Variants in GPR158 observed in about 807,000 individuals in gnomAD.
GPR158 encodes metabotropic glycine receptor.
GPR158 carries 30 observed loss-of-function variants against 78.2 expected under a neutral mutation model. That is an observed-to-expected ratio of 0.38 (90% confidence interval 0.29 to 0.52). GPR158 has a LOEUF of 0.52. Ranked by LOEUF, GPR158 falls within the 20% of genes least tolerant of loss-of-function variation. The pLI is 0.83. For missense variants in GPR158, 1,463 were observed against 1,523.5 expected, an observed-to-expected ratio of 0.96 and a Z score of 0.66; for synonymous variants, 581 against 591.1, an observed-to-expected ratio of 0.98 and a Z score of 0.25.
At chr10:25,526,882 A>T (rs1453545050) in intron 5 of GPR158, among the ~76,000 whole-genome samples, 2 of 152,204 alleles carry the variant, frequency 1.3e-5, no homozygotes, top group Non-Finnish European at 2.9e-5. Flanking sequence ...GGCAAAGATT[A>T]CCAGACTGGC....
At chr10:25,253,267 C>G (rs765888920) in intron 2 of GPR158, among the ~76,000 whole-genome samples, 2 of 152,122 alleles carry the variant, frequency 1.3e-5, no homozygotes, top group Non-Finnish European at 2.9e-5. Flanking sequence ...CAGAAATCAC[C>G]GGTCTTCTGC....
chr10:25,379,829 C>T (rs1156483795), intron 2 of GPR158, among the ~76,000 whole-genome samples: 1 of 151,776 alleles, frequency 6.6e-6, no homozygotes, highest in Non-Finnish European at 1.5e-5. Flanking sequence ...TCCCCCAGTG[C>T]TTCATATCAT....
Position 25,175,550 on chromosome 10 carries a change from C to A in GPR158, c.130C>A (p.Pro44Thr). 6.2e-7 allele frequency: 1 copy of A among 1,611,516 alleles called. No homozygotes were observed. Among genetic ancestry groups the A allele is most frequent in the South Asian group, 1.1e-5 (1 of 91,060 alleles). The change falls in exon 1 of 11, where the codon CCG becomes ACG. Residue 44 changes from proline to threonine, a missense_variant. Physicochemically the swap from Pro to Thr is conservative, Grantham distance 38 (BLOSUM62 -1). Transcript: ENST00000376351. This position sits in a 1 kb window ranked among gnomAD's most constrained non-coding sequence, Gnocchi z 6.4. Reference sequence around the variant, plus strand: ...TCGAGAGAGGACCCCGAAGGGGAAGCCGCACGCCCAGCAGCCGGGTCGAGC... The same window carrying A: ...TCGAGAGAGGACCCCGAAGGGGAAGACGCACGCCCAGCAGCCGGGTCGAGC... Reference protein sequence around the residue: ...SPRERTPKGKPHAQQPGRASA... With the variant: ...SPRERTPKGKTHAQQPGRASA...
chr10:25,209,611 G>A (rs182967092), intron 1 of GPR158, among the ~76,000 whole-genome samples: 9 of 152,116 alleles, frequency 5.9e-5, no homozygotes, highest in African/African-American at 1.9e-4. Context: ...AAGTGTTACA[G>A]ATAAAAAGAA....
chr10:25,192,986 A>G (rs1852794138), intron 1 of GPR158, among the ~76,000 whole-genome samples: 1 of 152,188 alleles, frequency 6.6e-6, no homozygotes, highest in Non-Finnish European at 1.5e-5. Context: ...GGTTAAAGCA[A>G]TGATGTTTAG....
chr10:25,356,873 G>C (rs981865669), intron 2 of GPR158, among the ~76,000 whole-genome samples: 7 of 152,056 alleles, frequency 4.6e-5, no homozygotes, highest in Non-Finnish European at 7.4e-5. Context: ...TTGGGTAACA[G>C]GCAGAGTTTG....
intron 5 of GPR158, among the ~76,000 whole-genome samples, chr10:25,502,571 CCAAA>C (rs1564472863): frequency 6.6e-6 from 1 of 151,700 alleles, no homozygotes; most frequent in Non-Finnish European, 1.5e-5. Flanking sequence ...TAATGAAGCA[CCAAA>C]CAGTCGGTAG....
chr10:25,375,893 G>A (rs924598916), intron 2 of GPR158, among the ~76,000 whole-genome samples: 3 of 151,480 alleles, frequency 2.0e-5, no homozygotes, highest in African/African-American at 7.3e-5. Flanking sequence ...TTTAATGTAA[G>A]TTAATAAGGT....
rs369016955 is a variant in GPR158 at position 25,248,641 on chromosome 10, T to A, written c.1008+27484T>A. On this transcript the variant is annotated intron_variant, in intron 2 of 10. Coordinates refer to ENST00000376351, the MANE Select transcript of GPR158 (RefSeq NM_020752.3). Reference sequence around the variant, plus strand: ...GACAGTTGTAGGTATGCGGCGTTATTTCTGAGGGCTCTGTTCTGTTCCATT... The same window carrying A: ...GACAGTTGTAGGTATGCGGCGTTATATCTGAGGGCTCTGTTCTGTTCCATT... 1.2e-4 allele frequency among the ~76,000 whole-genome samples: 18 copies of A among 151,534 alleles called. No homozygotes were observed. The East Asian group carries it at 2.7e-3, about 23-fold the overall frequency.
Position 25,203,836 on chromosome 10 carries a change from A to G in GPR158, c.903-17216A>G, listed in dbSNP as rs1001528915. On this transcript the variant is annotated intron_variant, in intron 1 of 10. Coordinates refer to ENST00000376351, the MANE Select transcript of GPR158 (RefSeq NM_020752.3). ...TTGATGGGGATGGCACTGAATCTAT[A>G]AATTACCTTGGGCAGTTTGGCCATT... Among the ~76,000 whole-genome samples the G allele has an allele frequency of 2.4e-4, 35 of 144,590 alleles. 3 individuals carry two copies. The highest frequency in any genetic ancestry group is 5.3e-5 in the African/African-American group (2 of 37,778). The allele number at this position is 144,590 out of a possible 152,430, so 94.9% of individuals were successfully genotyped here. A position where few individuals can be genotyped will look rare whatever the true frequency, so the allele number is the denominator to read the frequency against.
intron 2 of GPR158, among the ~76,000 whole-genome samples, chr10:25,247,609 T>A (rs1467429876): frequency 1.4e-5 from 2 of 140,968 alleles, no homozygotes; most frequent in East Asian, 4.3e-4. Context: ...AATGATGATT[T>A]CCAATTTCAT....
chr10:25,307,280 G>A (rs917900697), intron 2 of GPR158, among the ~76,000 whole-genome samples: 3 of 149,698 alleles, frequency 2.0e-5, no homozygotes, highest in Admixed American at 6.6e-5. Context: ...TTCATCACGT[G>A]GTTTTTCATG....
Position 25,597,821 on chromosome 10 carries a change from A to G in GPR158, c.2195A>G (p.Lys732Arg). 6.6e-7 allele frequency: 1 copy of G among 1,523,346 alleles called. No individual in the cohort carries two copies. The highest frequency in any genetic ancestry group is 2.3e-5 in the East Asian group (1 of 44,042). 94.4% of individuals were successfully genotyped at this position (1,523,346 alleles called of 1,614,324 possible). A position where few individuals can be genotyped will look rare whatever the true frequency, so the allele number is the denominator to read the frequency against. The part of the protein sequence containing the change: ...YAQLEIYKRK[K>R]MITNNPHLQK... ...CAACTGGAAATATATAAAAGAAAGA[A>G]GATGATCACAAACAACCCCCACCTC... The change falls in exon 11 of 11, where the codon AAG (lysine) becomes AGG (arginine). Residue 732 changes from lysine to arginine, a missense_variant. By Grantham distance (26) the Lys-to-Arg change is conservative. Transcript: ENST00000376351.
chr10:25,365,052 A>T (rs1337925924), intron 2 of GPR158, among the ~76,000 whole-genome samples: 2 of 150,454 alleles, frequency 1.3e-5, no homozygotes, highest in Non-Finnish European at 3.0e-5. Context: ...ACATTTTTGT[A>T]TGTTAAATAT....
intron 1 of GPR158, among the ~76,000 whole-genome samples, chr10:25,220,137 A>G (rs184819825): frequency 3.0e-4 from 46 of 152,252 alleles, no homozygotes; most frequent in African/African-American, 1.1e-3. Context: ...GGGTATATAT[A>G]CTTTACTTAA....
At chr10:25,378,944 TA>T (rs1241826771) in intron 2 of GPR158, among the ~76,000 whole-genome samples, 1 of 152,022 alleles carries the variant, frequency 6.6e-6, no homozygotes, top group Non-Finnish European at 1.5e-5. Flanking sequence ...CATGTACTAC[TA>T]CACCTTGCTG....
At position 25,478,518 on chromosome 10, in the gene GPR158, G is replaced by GTC. The variant is rs554409873; in HGVS notation, c.1404+11800_1404+11801insCT. 1.5e-3 allele frequency among the ~76,000 whole-genome samples: 222 copies of GTC among 150,330 alleles called. 29 individuals carry two copies. The highest frequency in any genetic ancestry group is 6.1e-3 in the East Asian group (31 of 5,072). ...CGTGTGTGTGTGTGTGTGTGTGTGT[G>GTC]TGTGTGTGTAGAGAGAAGAGAAAGA... On this transcript the variant is annotated intron_variant, in intron 5 of 10. Coordinates refer to ENST00000376351, the MANE Select transcript of GPR158 (RefSeq NM_020752.3).
chr10:25,536,600 C>A (rs7091908), intron 5 of GPR158, among the ~76,000 whole-genome samples: 81,645 of 152,098 alleles, frequency 0.54, 24,106 homozygotes, highest in African/African-American at 0.79. Flanking sequence ...TTTGTTTCTG[C>A]ATTTGTCCAT....
chr10:25,246,625 G>A (rs376702673), intron 2 of GPR158, among the ~76,000 whole-genome samples: 2 of 152,192 alleles, frequency 1.3e-5, no homozygotes, highest in African/African-American at 2.4e-5. Context: ...CGTTTCATTG[G>A]TGGTGGGGAT....
Sources: gnomAD v4.1 joint callset for allele counts (sites outside exome capture counted in the v4.1 genomes callset) on GRCh38, gnomAD v4.1.1 for gene constraint, Gnocchi (gnomAD v3.1) non-coding constraint, MANE v1.5 for transcripts, NCBI Gene and HGNC (gene_info 2026-07-23, HGNC 2026-07-21) for gene names.